AJM1: variants seen among roughly 807,000 people sequenced by gnomAD.
The protein encoded by AJM1 is apical junction component 1 homolog, also known as uncharacterized protein C9orf172.
Under a neutral mutation model 43.0 loss-of-function variants are expected in AJM1, and 22 were observed. The ratio of observed to expected loss-of-function variants is 0.51; its 90% CI spans 0.37 to 0.73. The LOEUF (loss-of-function observed/expected upper bound fraction) is 0.73. AJM1 is among the 30% of genes least tolerant of loss of function. The pLI is 0.00. For missense variants in AJM1, 1,305 were observed against 1,343.3 expected (o/e 0.97, Z 0.45); for synonymous variants, 719 against 638.3 (o/e 1.13, Z -1.91).
rs1390035958 is a variant in AJM1, at chr9:136,848,702, T to G, written c.*1357T>G. ...CGCCCCCTACCCCAGGGCCTCTGCATTCGGCCCCACCCCTGAGGGCCGGCC... is the reference window on the plus strand; with the variant it reads ...CGCCCCCTACCCCAGGGCCTCTGCAGTCGGCCCCACCCCTGAGGGCCGGCC... On this transcript the variant is annotated 3_prime_UTR_variant, in exon 3 of 3. Transcript: ENST00000436881. The G allele has an allele frequency of 1.3e-5, 2 of 152,620 alleles. No individual in the cohort carries two copies. Among genetic ancestry groups the G allele is most frequent in the African/African-American group, 4.8e-5 (2 of 41,392 alleles). 9.5% of individuals were successfully genotyped at this position (152,620 alleles called of 1,614,324 possible). A position where few individuals can be genotyped will look rare whatever the true frequency, so the allele number is the denominator to read the frequency against.
rs1848718006 is a variant in AJM1, at chr9:136,842,603, G to A, written c.-144+14G>A. On this transcript the variant is annotated intron_variant, in intron 1 of 2. Coordinates refer to ENST00000436881, the MANE Select transcript of AJM1 (RefSeq NM_001080482.5). The stretch of plus-strand genomic sequence containing the variant: ...AGCAGCACCCAGGTAAGGGGCTAGG[G>A]GCCGAGTTGCTGAGTGTGTCACCGT... Among the ~76,000 whole-genome samples the A allele has an allele frequency of 6.6e-6, 1 of 152,218 alleles. No homozygotes were observed. The highest frequency in any genetic ancestry group is 1.5e-5 in the Non-Finnish European group (1 of 68,040).
rs191760762 is a variant in AJM1 at position 136,845,394 on chromosome 9, A to T, written c.980A>T (p.Tyr327Phe). ...GPSPRRMGGY[Y>F]AGEVRTFPIQ... The stretch of plus-strand genomic sequence containing the variant: ...AGTCCAAGGCGCATGGGCGGCTACT[A>T]CGCAGGAGAGGTGCGCACCTTCCCA... The change falls in exon 3 of 3, where the codon TAC becomes TTC. Residue 327 changes from tyrosine (Y) to phenylalanine (F), a missense_variant. This residue lies in a region of AJM1 where 653 missense variants were observed against 549.1 expected (regional missense o/e 1.19). Coordinates refer to ENST00000436881, the MANE Select transcript of AJM1 (RefSeq NM_001080482.5). 599 of 1,612,324 alleles carry T rather than the reference A, an allele frequency of 3.7e-4. 8 individuals are homozygous for T. In the East Asian group the frequency reaches 0.013, roughly 35 times the overall value.
chr9:136,846,358 G>A lies in AJM1; in HGVS notation c.1944G>A (p.Ala648=), dbSNP rs758277854. The A allele has an allele frequency of 3.9e-5, 55 of 1,411,176 alleles. No individual in the cohort carries two copies. The African/African-American group carries it at 6.6e-4, about 17-fold the overall frequency. The allele number at this position is 1,411,176 out of a possible 1,614,324, so 87.4% of individuals were successfully genotyped here. A position where few individuals can be genotyped will look rare whatever the true frequency, so the allele number is the denominator to read the frequency against. The change falls in exon 3 of 3, where the codon GCG becomes GCA. Residue 648 remains alanine, a synonymous_variant. Coordinates refer to ENST00000436881, the MANE Select transcript of AJM1 (RefSeq NM_001080482.5). ...AGGAGCCCGCGGCCCCGGGAGAGGC[G>A]GCCGACGCGTCCCCCGAACCCAGCG... ...SAEEPAAPGE[A]ADASPEPSAD...
rs769754856 is a variant in AJM1 at position 136,847,219 on chromosome 9, G to T, written c.2805G>T (p.Thr935=). The change falls in exon 3 of 3, where the codon ACG becomes ACT. Residue 935 remains threonine (T), a synonymous_variant. Transcript: ENST00000436881. ...TCGTCGAGGCCAACAGGCGCTTCAC[G>T]CCCACCACCATCTACCCCACGGACC... ...CEFVEANRRF[T]PTTIYPTDRR... 16 of 1,605,708 alleles carry T rather than the reference G, an allele frequency of 1.0e-5. No individual in the cohort carries two copies. In the South Asian group the frequency reaches 1.8e-4, roughly 18 times the overall value.
chr9:136,846,814 G>A lies in AJM1; in HGVS notation c.2400G>A (p.Ala800=). The change falls in exon 3 of 3, where the codon GCG becomes GCA. Residue 800 remains alanine, a synonymous_variant. Coordinates refer to ENST00000436881, the MANE Select transcript of AJM1 (RefSeq NM_001080482.5). The stretch of plus-strand genomic sequence containing the variant: ...TGGGCAGCTACGCGCGCGAGCTGGC[G>A]GCCGCTGGGCGCCTCTACGAACCGG... The part of the protein sequence containing the change: ...APLGSYAREL[A]AAGRLYEPAE... The A allele has an allele frequency of 6.3e-7, 1 of 1,590,480 alleles. No homozygotes were observed. The highest frequency in any genetic ancestry group is 8.5e-7 in the Non-Finnish European group (1 of 1,175,332).
Position 136,845,219 on chromosome 9 carries a change from A to C in AJM1, c.805A>C (p.Ser269Arg). The C allele has an allele frequency of 6.3e-7, 1 of 1,593,716 alleles. No individual in the cohort carries two copies. Among genetic ancestry groups the C allele is most frequent in the Non-Finnish European group, 8.5e-7 (1 of 1,176,692 alleles). Reference protein sequence around the residue: ...PGPRDYAERRSLPFTTPPGPT... With the variant: ...PGPRDYAERRRLPFTTPPGPT... Reference sequence around the variant, plus strand: ...GCCCCGGGACTACGCCGAGCGCCGCAGTCTGCCCTTCACCACCCCGCCGGG... The same window carrying C: ...GCCCCGGGACTACGCCGAGCGCCGCCGTCTGCCCTTCACCACCCCGCCGGG... The change falls in exon 3 of 3, where the codon AGT (serine) becomes CGT (arginine). Residue 269 changes from serine (S) to arginine (R), a missense_variant. By Grantham distance (110) the Ser-to-Arg change is moderately radical. Around this residue, in one of 6 missense-constraint regions of AJM1, gnomAD observed 653 missense variants for 549.1 expected, o/e 1.19. Coordinates refer to ENST00000436881, the MANE Select transcript of AJM1 (RefSeq NM_001080482.5).
At position 136,847,273 on chromosome 9, in the gene AJM1, G is replaced by A. The variant is rs760078217; in HGVS notation, c.2859G>A (p.Met953Ile). The change falls in exon 3 of 3, where the codon ATG becomes ATA. Residue 953 changes from methionine (M) to isoleucine (I), a missense_variant. By Grantham distance (10) the Met-to-Ile change is conservative. Around this residue, in one of 6 missense-constraint regions of AJM1, gnomAD observed 116 missense variants for 113.4 expected, o/e 1.02. Transcript: ENST00000436881. ...GCACCGGCCGCCCCTTCATGTGCAT[G>A]ATCATGGCCGCCTCCGAGCCGCGCG... ...DRRTGRPFMCMIMAASEPRAL... is the reference protein window; with the variant it reads ...DRRTGRPFMCIIMAASEPRAL... 6.3e-7 allele frequency: 1 copy of A among 1,583,596 alleles called. No individual in the cohort carries two copies. The highest frequency in any genetic ancestry group is 1.1e-5 in the South Asian group (1 of 88,106).
rs1396116319 is a variant in AJM1, at chr9:136,845,270, G to A, written c.856G>A (p.Glu286Lys). ...CCCCACCCAGTTCTTCTATACAGAGGAGCCCCAAGGCTTCCGGGGCAGCTT... is the reference window on the plus strand; with the variant it reads ...CCCCACCCAGTTCTTCTATACAGAGAAGCCCCAAGGCTTCCGGGGCAGCTT... Reference protein sequence around the residue: ...PGPTQFFYTEEPQGFRGSFAA... With the variant: ...PGPTQFFYTEKPQGFRGSFAA... Residue 286 changes from glutamate (E) to lysine (K), a missense_variant, in exon 3 of 3, where the codon GAG becomes AAG. This residue lies in a region of AJM1 where 653 missense variants were observed against 549.1 expected (regional missense o/e 1.19). Transcript: ENST00000436881. 5 of 1,607,698 alleles carry A rather than the reference G, an allele frequency of 3.1e-6. No homozygotes were observed. Among genetic ancestry groups the A allele is most frequent in the Non-Finnish European group, 4.2e-6 (5 of 1,179,462 alleles).
chr9:136,847,563 GTGT>G lies in AJM1; in HGVS notation c.*220_*222del. The stretch of plus-strand genomic sequence containing the variant: ...CACCCCCCGGCCCTTCGTCCCCGTA[GTGT>G]TCCTCACAGGCCCTTCGCCTTCCCA... On this transcript the variant is annotated 3_prime_UTR_variant, in exon 3 of 3. Transcript: ENST00000436881. 2.1e-6 allele frequency: 1 copy of G among 471,360 alleles called. No homozygotes were observed. Among genetic ancestry groups the G allele is most frequent in the East Asian group, 3.6e-5 (1 of 27,872 alleles). 29.2% of individuals were successfully genotyped at this position (471,360 alleles called of 1,614,324 possible).
At position 136,844,448 on chromosome 9, in the gene AJM1, T is replaced by G. The variant is rs1564377198; in HGVS notation, c.34T>G (p.Ser12Ala). ...TACGGACCCTCCGGACCTGCTGGTG[T>G]CGACCGTGTACCAGGACATCAAGGT... is the stretch of plus-strand genomic sequence containing the variant. ...TRTDPPDLLV[S>A]TVYQDIKVAT... The change falls in exon 3 of 3, where the codon TCG (serine) becomes GCG (alanine). Residue 12 changes from serine (S) to alanine (A), a missense_variant. Transcript: ENST00000436881. 1.4e-5 allele frequency: 22 copies of G among 1,611,864 alleles called. No individual in the cohort carries two copies. The highest frequency in any genetic ancestry group is 1.9e-5 in the Non-Finnish European group (22 of 1,179,346).
In AJM1 at chr9:136,845,751, C is replaced by G; in HGVS notation, c.1337C>G (p.Ser446Trp). The change falls in exon 3 of 3, where the codon TCG becomes TGG. Residue 446 changes from serine to tryptophan, a missense_variant. Physicochemically the swap from Ser to Trp is radical, Grantham distance 177. Coordinates refer to ENST00000436881, the MANE Select transcript of AJM1 (RefSeq NM_001080482.5). ...PRLATDSRHY[S>W]RSWDNILAPG... is the part of the protein sequence containing the mutation. Reference sequence around the variant, plus strand: ...CTGGCCACCGACAGCCGCCACTACTCGCGCTCCTGGGACAACATTCTGGCC... The same window carrying G: ...CTGGCCACCGACAGCCGCCACTACTGGCGCTCCTGGGACAACATTCTGGCC... The G allele has an allele frequency of 6.3e-7, 1 of 1,579,452 alleles. No individual in the cohort carries two copies. The highest frequency in any genetic ancestry group is 8.5e-7 in the Non-Finnish European group (1 of 1,170,906).
chr9:136,847,749 T>G lies in AJM1; in HGVS notation c.*404T>G. ...CTCTGCCTTCACTCGGAGGGGTCACTACTGCACAGACCCCACCCGTAGAGA... is the reference window on the plus strand; with the variant it reads ...CTCTGCCTTCACTCGGAGGGGTCACGACTGCACAGACCCCACCCGTAGAGA... On this transcript the variant is annotated 3_prime_UTR_variant, in exon 3 of 3. Transcript: ENST00000436881. 5.4e-6 allele frequency: 1 copy of G among 186,448 alleles called. No individual in the cohort carries two copies. Among genetic ancestry groups the G allele is most frequent in the Non-Finnish European group, 1.1e-5 (1 of 91,054 alleles). The allele number at this position is 186,448 out of a possible 1,614,324, so 11.5% of individuals were successfully genotyped here.
Position 136,846,388 on chromosome 9 carries a change from C to G in AJM1, c.1974C>G (p.Asp658Glu), listed in dbSNP as rs772733032. Residue 658 changes from aspartate (D) to glutamate (E), a missense_variant, in exon 3 of 3, where the codon GAC (aspartate) becomes GAG (glutamate). By Grantham distance (45) the Asp-to-Glu change is conservative. Around this residue, in one of 6 missense-constraint regions of AJM1, gnomAD observed 391 missense variants for 507.5 expected, o/e 0.77. Coordinates refer to ENST00000436881, the MANE Select transcript of AJM1 (RefSeq NM_001080482.5). ...AADASPEPSADEDDLMTCSNA... is the reference protein window; with the variant it reads ...AADASPEPSAEEDDLMTCSNA... ...ACGCGTCCCCCGAACCCAGCGCCGACGAGGACGACCTGATGACCTGCTCCA... is the reference window on the plus strand; with the variant it reads ...ACGCGTCCCCCGAACCCAGCGCCGAGGAGGACGACCTGATGACCTGCTCCA... The G allele has an allele frequency of 6.5e-6, 10 of 1,528,728 alleles. No individual in the cohort carries two copies. Among genetic ancestry groups the G allele is most frequent in the Non-Finnish European group, 8.8e-6 (10 of 1,140,922 alleles). The allele number at this position is 1,528,728 out of a possible 1,614,324, so 94.7% of individuals were successfully genotyped here. A position where few individuals can be genotyped will look rare whatever the true frequency, so the allele number is the denominator to read the frequency against.
In AJM1 at chr9:136,846,949, C is replaced by G; in HGVS notation, c.2535C>G (p.Arg845=). 7.4e-7 allele frequency: 1 copy of G among 1,354,564 alleles called. No homozygotes were observed. Among genetic ancestry groups the G allele is most frequent in the South Asian group, 1.5e-5 (1 of 67,564 alleles). 83.9% of individuals were successfully genotyped at this position (1,354,564 alleles called of 1,614,324 possible). A position where few individuals can be genotyped will look rare whatever the true frequency, so the allele number is the denominator to read the frequency against. ...PAPRSHGPTV[R]KFAKVALAAG... is the part of the protein sequence containing the mutation. Reference sequence around the variant, plus strand: ...CACGCAGCCACGGGCCAACAGTGCGCAAGTTCGCCAAGGTAGCGCTGGCGG... The same window carrying G: ...CACGCAGCCACGGGCCAACAGTGCGGAAGTTCGCCAAGGTAGCGCTGGCGG... The change falls in exon 3 of 3, where the codon CGC becomes CGG. Residue 845 remains arginine (R), a synonymous_variant. Coordinates refer to ENST00000436881, the MANE Select transcript of AJM1 (RefSeq NM_001080482.5).
Position 136,846,087 on chromosome 9 carries a change from C to A in AJM1, c.1673C>A (p.Thr558Lys), listed in dbSNP as rs910101182. The A allele has an allele frequency of 5.9e-6, 9 of 1,530,262 alleles. No individual in the cohort carries two copies. Among genetic ancestry groups the A allele is most frequent in the African/African-American group, 5.6e-5 (4 of 71,756 alleles). The allele number at this position is 1,530,262 out of a possible 1,614,324, so 94.8% of individuals were successfully genotyped here. ...GCCTGGGAGTTGCCCGGGGGCCGCACGCGGCCACCTCCCCACGCGGCCCCC... is the reference window on the plus strand; with the variant it reads ...GCCTGGGAGTTGCCCGGGGGCCGCAAGCGGCCACCTCCCCACGCGGCCCCC... The part of the protein sequence containing the change: ...ARAWELPGGR[T>K]RPPPHAAPDG... Residue 558 changes from threonine to lysine, a missense_variant, in exon 3 of 3, where the codon ACG (threonine) becomes AAG (lysine). Physicochemically the swap from Thr to Lys is moderately conservative, Grantham distance 78 (BLOSUM62 -1). This residue lies in a region of AJM1 where 653 missense variants were observed against 549.1 expected (regional missense o/e 1.19). Transcript: ENST00000436881.
chr9:136,847,163 T>G lies in AJM1; in HGVS notation c.2749T>G (p.Phe917Val). The G allele has an allele frequency of 6.2e-7, 1 of 1,601,178 alleles. No individual in the cohort carries two copies. Among genetic ancestry groups the G allele is most frequent in the South Asian group, 1.1e-5 (1 of 90,780 alleles). The change falls in exon 3 of 3, where the codon TTC becomes GTC. Residue 917 changes from phenylalanine to valine, a missense_variant. By Grantham distance (50) the Phe-to-Val change is conservative. Coordinates refer to ENST00000436881, the MANE Select transcript of AJM1 (RefSeq NM_001080482.5). ...RLRGVFLRHE[F>V]PRVYEQLCEF... ...GCGCGGCGTCTTCCTGCGCCACGAGTTCCCGCGCGTCTACGAGCAGCTTTG... is the reference window on the plus strand; with the variant it reads ...GCGCGGCGTCTTCCTGCGCCACGAGGTCCCGCGCGTCTACGAGCAGCTTTG...
Position 136,845,025 on chromosome 9 carries a change from C to T in AJM1, c.611C>T (p.Ser204Leu), listed in dbSNP as rs1230729111. Residue 204 changes from serine to leucine, a missense_variant, in exon 3 of 3, where the codon TCG (serine) becomes TTG (leucine). Physicochemically the swap from Ser to Leu is moderately radical, Grantham distance 145. Coordinates refer to ENST00000436881, the MANE Select transcript of AJM1 (RefSeq NM_001080482.5). ...GTGCTCCAGCACGCCACCCGGGGCT[C>T]GCGGTCCTGCGGGCCCACCGAGGCC... ...DAVLQHATRG[S>L]RSCGPTEAAH... The T allele has an allele frequency of 5.7e-6, 4 of 700,296 alleles. No homozygotes were observed. The South Asian group carries it at 6.5e-5, about 11-fold the overall frequency. The allele number at this position is 700,296 out of a possible 1,614,324, so 43.4% of individuals were successfully genotyped here.
At position 136,846,990 on chromosome 9, in the gene AJM1, G is replaced by A; in HGVS notation, c.2576G>A (p.Arg859Gln). 1.6e-6 allele frequency: 2 copies of A among 1,215,920 alleles called. No homozygotes were observed. Among genetic ancestry groups the A allele is most frequent in the South Asian group, 1.7e-5 (1 of 57,748 alleles). 75.3% of individuals were successfully genotyped at this position (1,215,920 alleles called of 1,614,324 possible). A position where few individuals can be genotyped will look rare whatever the true frequency, so the allele number is the denominator to read the frequency against. ...KVALAAGSPA[R>Q]PPPARSREPD... ...GCGCTGGCGGCCGGCAGCCCCGCGC[G>A]GCCGCCCCCGGCGCGGAGCCGCGAG... Residue 859 changes from arginine (R) to glutamine (Q), a missense_variant, in exon 3 of 3, where the codon CGG (arginine) becomes CAG (glutamine). Transcript: ENST00000436881.
rs1433422947 is a variant in AJM1 at position 136,846,975 on chromosome 9, C to T, written c.2561C>T (p.Ala854Val). 5 of 1,251,042 alleles carry T rather than the reference C, an allele frequency of 4.0e-6. No individual in the cohort carries two copies. The highest frequency in any genetic ancestry group is 3.7e-5 in the Admixed American group (1 of 27,242). 77.5% of individuals were successfully genotyped at this position (1,251,042 alleles called of 1,614,324 possible). Residue 854 changes from alanine to valine, a missense_variant, in exon 3 of 3, where the codon GCC becomes GTC. Ala to Val is a moderately conservative substitution (Grantham distance 64, BLOSUM62 0). Coordinates refer to ENST00000436881, the MANE Select transcript of AJM1 (RefSeq NM_001080482.5). ...VRKFAKVALA[A>V]GSPARPPPAR... is the part of the protein sequence containing the mutation. ...AAGTTCGCCAAGGTAGCGCTGGCGG[C>T]CGGCAGCCCCGCGCGGCCGCCCCCG...
Sources: allele counts gnomAD v4.1 joint callset (sites outside exome capture counted in the v4.1 genomes callset), GRCh38; gene constraint gnomAD v4.1.1; regional missense constraint gnomAD v4.1.1; transcripts MANE v1.5; gene names NCBI Gene and HGNC (gene_info 2026-07-23, HGNC 2026-07-21).